Variants in CLCN5 observed in about 807,000 individuals in gnomAD.
CLCN5 encodes Cl-/H+ antiporter 5, also known as H(+)/Cl(-) exchange transporter 5.
CLCN5 carries 17 observed loss-of-function variants against 54.0 expected under a neutral mutation model. That is an observed-to-expected ratio of 0.31 (90% CI 0.22 to 0.47). The LOEUF is 0.47. CLCN5 is among the 20% of genes least tolerant of loss of function. CLCN5 has a pLI of 1.00. For missense variants in CLCN5, 448 were observed against 646.7 expected, an observed-to-expected ratio of 0.69 and a Z score of 3.33; for synonymous variants, 222 against 233.0, an observed-to-expected ratio of 0.95 and a Z score of 0.43.
chrX:50,081,605 T>C (rs782027989), intron 8 of CLCN5, 36 bp from the exon 9 acceptor site: 2 of 1,112,791 alleles, frequency 1.8e-6, no homozygotes, highest in South Asian at 3.6e-5. Flanking sequence ...TTGACTTCCT[T>C]AGTCTATATT....
intron 3 of CLCN5, among the ~76,000 whole-genome samples, chrX:49,973,390 T>C (rs1436397227): frequency 9.0e-6 from 1 of 111,110 alleles, no homozygotes; most frequent in Non-Finnish European, 1.9e-5. Flanking sequence ...GTACTTTAAG[T>C]TTTAGGGTAC....
At chrX:49,926,378 G>A (rs1473501441) in intron 3 of CLCN5, among the ~76,000 whole-genome samples, 4 of 112,466 alleles carry the variant, frequency 3.6e-5, no homozygotes, top group African/African-American at 1.3e-4. Flanking sequence ...GAAATACAGA[G>A]ATGAATAAGT....
intron 3 of CLCN5, among the ~76,000 whole-genome samples, chrX:49,983,303 A>T (rs1928837629): frequency 8.9e-6 from 1 of 112,152 alleles, no homozygotes; most frequent in Admixed American, 9.5e-5. Context: ...TATCTTCATT[A>T]TCCACATAGC....
intron 3 of CLCN5, among the ~76,000 whole-genome samples, chrX:49,972,970 A>G (rs1158530805): frequency 1.8e-5 from 2 of 112,255 alleles, no homozygotes; most frequent in Non-Finnish European, 3.8e-5. Context: ...TCTGCTTAGC[A>G]ACCTTTATAT....
intron 4 of CLCN5, among the ~76,000 whole-genome samples, chrX:50,043,603 T>C (rs1932296256): frequency 8.9e-6 from 1 of 112,082 alleles, no homozygotes; most frequent in Non-Finnish European, 1.9e-5. Flanking sequence ...GTTCATGTGA[T>C]GTTCCTATTT....
chrX:50,057,758 G>A (rs1557189246), intron 4 of CLCN5, among the ~76,000 whole-genome samples: 1 of 108,080 alleles, frequency 9.3e-6, no homozygotes, highest in East Asian at 3.0e-4. Context: ...ACTTAATTGA[G>A]TGGGAAAACA....
At chrX:49,986,138 C>T (rs6608959) in intron 3 of CLCN5, among the ~76,000 whole-genome samples, 1,781 of 110,784 alleles carry the variant, frequency 0.016, 33 homozygotes, top group African/African-American at 0.054. Flanking sequence ...GTTGTTAGGC[C>T]GTCCATCTTA....
intron 3 of CLCN5, among the ~76,000 whole-genome samples, chrX:49,965,443 A>G (rs1927793561): frequency 8.9e-6 from 1 of 111,919 alleles, no homozygotes; most frequent in South Asian, 3.7e-4. Flanking sequence ...TGTTGCTAGT[A>G]TATAGAAATA....
intron 3 of CLCN5, among the ~76,000 whole-genome samples, chrX:49,953,870 T>C (rs1276560993): frequency 8.9e-6 from 1 of 112,205 alleles, no homozygotes; most frequent in Non-Finnish European, 1.9e-5. Flanking sequence ...ATCCTGTGTA[T>C]TCTCGTTCAG....
At chrX:50,032,409 A>T (rs1256048236) in intron 3 of CLCN5, among the ~76,000 whole-genome samples, 2 of 110,803 alleles carry the variant, frequency 1.8e-5, no homozygotes, top group African/African-American at 3.3e-5. Flanking sequence ...AATGATTGCC[A>T]TTCTAACTGG....
At chrX:50,057,710 G>C (rs1417523708) in intron 4 of CLCN5, among the ~76,000 whole-genome samples, 1 of 104,595 alleles carries the variant, frequency 9.6e-6, no homozygotes, top group African/African-American at 3.4e-5. Context: ...TCTTAGATGG[G>C]AGGGCTACTC....
At chrX:50,023,046 T>C (rs1445306394) in intron 3 of CLCN5, among the ~76,000 whole-genome samples, 5 of 93,097 alleles carry the variant, frequency 5.4e-5, no homozygotes, top group Admixed American at 3.3e-4. Flanking sequence ...GACTTTCTGT[T>C]TCGTTGATCT....
intron 3 of CLCN5, among the ~76,000 whole-genome samples, chrX:49,969,986 A>G (rs1557176011): frequency 9.0e-6 from 1 of 111,215 alleles, no homozygotes; most frequent in African/African-American, 3.3e-5. Context: ...TGCTCCTTCT[A>G]ATATCATGAC....
chrX:50,088,008 C>T (rs782448450), intron 11 of CLCN5, among the ~76,000 whole-genome samples: 2 of 112,315 alleles, frequency 1.8e-5, no homozygotes, highest in African/African-American at 6.4e-5. Context: ...TAACCATAGT[C>T]ATGATCTCAT....
At chrX:50,001,565 G>A (rs1238852564) in intron 3 of CLCN5, among the ~76,000 whole-genome samples, 1 of 106,716 alleles carries the variant, frequency 9.4e-6, no homozygotes, top group Non-Finnish European at 1.9e-5. Flanking sequence ...TGCTGCACCC[G>A]TTAACTTGTC....
chrX:49,986,035 G>A (rs150059200), intron 3 of CLCN5, among the ~76,000 whole-genome samples: 185 of 111,570 alleles, frequency 1.7e-3, no homozygotes, highest in African/African-American at 5.7e-3. Context: ...TTATCTTGTG[G>A]CTTTGATTCC....
At chrX:50,052,362 A>G (rs1425216540) in intron 4 of CLCN5, among the ~76,000 whole-genome samples, 6 of 112,130 alleles carry the variant, frequency 5.4e-5, no homozygotes, top group Non-Finnish European at 1.1e-4. Flanking sequence ...CCAGCTTTGC[A>G]TACCTGGAAT....
At chrX:49,931,397 A>C (rs1171849592) in intron 3 of CLCN5, among the ~76,000 whole-genome samples, 1 of 112,271 alleles carries the variant, frequency 8.9e-6, no homozygotes, top group Non-Finnish European at 1.9e-5. Context: ...ATTTTTGCTT[A>C]CATGTATCTT....
Position 49,958,147 on chromosome X carries a change from G to A in CLCN5, c.16+32833G>A, listed in dbSNP as rs782819006. 7.2e-5 allele frequency among the ~76,000 whole-genome samples: 8 copies of A among 111,196 alleles called. No individual in the cohort carries two copies. In the East Asian group the frequency reaches 2.0e-3, roughly 27 times the overall value. ...TTCCTCCTCCTCATTTCTAATCCCT[G>A]GCAAACACTAATCTGTTCTCCATCT... On this transcript the variant is annotated intron_variant, in intron 3 of 14. Transcript: ENST00000376091.
Sources: gnomAD v4.1 joint callset for allele counts (sites outside exome capture counted in the v4.1 genomes callset) on GRCh38, gnomAD v4.1.1 for gene constraint, MANE v1.5 for transcripts, NCBI Gene and HGNC (gene_info 2026-07-23, HGNC 2026-07-21) for gene names.